The following OLFM3 variants were observed in gnomAD, a reference collection of about 807,000 sequenced individuals.
OLFM3 encodes the protein noelin-3.
A neutral mutation model predicts 48.6 loss-of-function variants in OLFM3; 20 were observed. The observed-to-expected ratio is 0.41, with a 90% CI of 0.29 to 0.60. The LOEUF (loss-of-function observed/expected upper bound fraction) is 0.60, where lower values mean the gene tolerates loss of function less well. Among genes scored for constraint, OLFM3 ranks in the 20% least tolerant of loss-of-function variants. OLFM3 has a pLI of 0.28. For missense variants in OLFM3, 437 were observed against 544.3 expected (o/e 0.80, Z 1.96); for synonymous variants, 222 against 198.1 (o/e 1.12, Z -1.01).
intron 1 of OLFM3, among the ~76,000 whole-genome samples, chr1:101,892,014 T>C (rs1382175557): frequency 1.3e-5 from 2 of 152,022 alleles, no homozygotes; most frequent in Admixed American, 6.6e-5. Flanking sequence ...GAAGACAACA[T>C]TTTAAATTTT....
At chr1:101,920,401 A>T (rs1659057512) in intron 1 of OLFM3, among the ~76,000 whole-genome samples, 1 of 152,140 alleles carries the variant, frequency 6.6e-6, no homozygotes, top group Non-Finnish European at 1.5e-5. Flanking sequence ...AAGGCAGGGT[A>T]TTTGTCTCCT....
intron 1 of OLFM3, among the ~76,000 whole-genome samples, chr1:101,952,501 T>C (rs1015316454): frequency 1.3e-5 from 2 of 152,098 alleles, no homozygotes; most frequent in African/African-American, 4.8e-5. Flanking sequence ...ATTTTTTGCA[T>C]CTCTCTGGGA....
intron 1 of OLFM3, among the ~76,000 whole-genome samples, chr1:101,855,477 T>C (rs1656378049): frequency 6.6e-6 from 1 of 152,064 alleles, no homozygotes. Context: ...TGCAAAAAAA[T>C]AGCCAATATT....
chr1:101,986,672 T>A (rs1250170467), intron 1 of OLFM3, among the ~76,000 whole-genome samples: 1 of 152,212 alleles, frequency 6.6e-6, no homozygotes, highest in Non-Finnish European at 1.5e-5. Flanking sequence ...CTTCTTTCTC[T>A]GCAAAGTTAA....
At chr1:101,860,698 A>G (rs116121206) in intron 1 of OLFM3, among the ~76,000 whole-genome samples, 3,028 of 152,158 alleles carry the variant, frequency 0.02, 53 homozygotes, top group Non-Finnish European at 0.033. Context: ...CATGATATTA[A>G]CTTCCATCAT....
At chr1:101,807,465 GT>G (rs201067249) in intron 4 of OLFM3, among the ~76,000 whole-genome samples, 3 of 151,460 alleles carry the variant, frequency 2.0e-5, no homozygotes, top group African/African-American at 7.3e-5. Context: ...GTTGGTTCTT[GT>G]TTTTTTGGAA....
chr1:101,893,951 T>C (rs1428625570), intron 1 of OLFM3: 1 of 153,734 alleles, frequency 6.5e-6, no homozygotes, highest in Non-Finnish European at 1.5e-5. Context: ...ATGATGCTGA[T>C]GCCACTACAG....
At chr1:101,828,158 G>T (rs982465232) in intron 3 of OLFM3, among the ~76,000 whole-genome samples, 31 of 151,918 alleles carry the variant, frequency 2.0e-4, no homozygotes, top group African/African-American at 7.3e-4. Context: ...CAGCCATGCA[G>T]AACTGTAAGT....
chr1:101,840,064 C>G (rs1655636728), intron 1 of OLFM3, among the ~76,000 whole-genome samples: 1 of 151,866 alleles, frequency 6.6e-6, no homozygotes, highest in South Asian at 2.1e-4. Flanking sequence ...CTAGTGTTCT[C>G]TTTTAGAGAA....
chr1:101,810,247 A>G (rs1000125447), intron 4 of OLFM3, among the ~76,000 whole-genome samples: 1 of 152,008 alleles, frequency 6.6e-6, no homozygotes, highest in Non-Finnish European at 1.5e-5. Context: ...ACATGAAAGA[A>G]AGCAGAGTTG....
chr1:101,886,276 AAT>A (rs2100998034), intron 1 of OLFM3, among the ~76,000 whole-genome samples: 1 of 152,160 alleles, frequency 6.6e-6, no homozygotes, highest in South Asian at 2.1e-4. Flanking sequence ...GGAAAAAAAA[AAT>A]AATAGAAAAG....
At chr1:101,841,769 C>A (rs560940357) in intron 1 of OLFM3, among the ~76,000 whole-genome samples, 2 of 152,080 alleles carry the variant, frequency 1.3e-5, no homozygotes, top group African/African-American at 4.8e-5. Flanking sequence ...TTTGTATTAT[C>A]CTGATTTTCT....
At chr1:101,970,957 G>C (rs538433235) in intron 1 of OLFM3, among the ~76,000 whole-genome samples, 1 of 152,186 alleles carries the variant, frequency 6.6e-6, no homozygotes, top group Admixed American at 6.5e-5. Flanking sequence ...GCACGTAGCT[G>C]AGTGATGGCA....
At chr1:101,887,050 A>C (rs926978863) in intron 1 of OLFM3, among the ~76,000 whole-genome samples, 4 of 152,006 alleles carry the variant, frequency 2.6e-5, no homozygotes, top group Non-Finnish European at 4.4e-5. Context: ...TAATAAGTTA[A>C]TTTAGACCAT....
chr1:101,891,455 C>T (rs938029384), intron 1 of OLFM3, among the ~76,000 whole-genome samples: 23 of 151,820 alleles, frequency 1.5e-4, no homozygotes, highest in South Asian at 4.2e-4. Flanking sequence ...AAAAATAAAA[C>T]GTAAGCACTA....
chr1:101,866,644 ATTAC>A (rs996791097), intron 1 of OLFM3, among the ~76,000 whole-genome samples: 3 of 152,186 alleles, frequency 2.0e-5, no homozygotes, highest in African/African-American at 4.8e-5. Flanking sequence ...AACACGATAA[ATTAC>A]TTAAATAAGC....
intron 5 of OLFM3, among the ~76,000 whole-genome samples, chr1:101,805,320 T>C (rs1363899917): frequency 6.6e-6 from 1 of 151,750 alleles, no homozygotes; most frequent in South Asian, 2.1e-4. Flanking sequence ...CTGAAAAAAA[T>C]GTATAGTCTA....
At chr1:101,924,636 G>A (rs931601522) in intron 1 of OLFM3, among the ~76,000 whole-genome samples, 1 of 152,116 alleles carries the variant, frequency 6.6e-6, no homozygotes, top group Non-Finnish European at 1.5e-5. Context: ...AATAAGCCTA[G>A]TGAAATATTT....
At chr1:101,902,372 T>C (rs1658415886) in intron 1 of OLFM3, among the ~76,000 whole-genome samples, 1 of 152,024 alleles carries the variant, frequency 6.6e-6, no homozygotes, top group Non-Finnish European at 1.5e-5. Context: ...TTCCATAAGC[T>C]TGGCAGCAAG....
Sources: gnomAD v4.1 joint callset for allele counts (sites outside exome capture counted in the v4.1 genomes callset) on GRCh38, gnomAD v4.1.1 for gene constraint, MANE v1.5 for transcripts, NCBI Gene and HGNC (gene_info 2026-07-23, HGNC 2026-07-21) for gene names.